ARHGAP15: variants seen among roughly 807,000 people sequenced by gnomAD.
ARHGAP15 encodes the protein rho GTPase-activating protein 15.
ARHGAP15 carries 51 observed loss-of-function variants against 63.7 expected under a neutral mutation model. That is an observed-to-expected ratio of 0.80 (90% CI 0.64 to 1.01). The LOEUF (loss-of-function observed/expected upper bound fraction) is 1.01. Among genes scored for constraint, ARHGAP15 ranks in the 50% least tolerant of loss-of-function variants. The pLI is 0.00. For synonymous variants in ARHGAP15, 191 were observed against 193.8 expected (o/e 0.99, Z 0.12); for missense variants, 560 against 564.6 (o/e 0.99, Z 0.08).
At chr2:143,609,754 C>T (rs968762302) in intron 11 of ARHGAP15, among the ~76,000 whole-genome samples, 3 of 152,170 alleles carry the variant, frequency 2.0e-5, no homozygotes, top group African/African-American at 7.2e-5. Flanking sequence ...ATGCACTCGC[C>T]TTCCAACAGG....
chr2:143,600,350 G>A (rs1006511241), intron 11 of ARHGAP15, among the ~76,000 whole-genome samples: 1 of 152,084 alleles, frequency 6.6e-6, no homozygotes, highest in Non-Finnish European at 1.5e-5. Context: ...GCCACATACT[G>A]TATTTCTTCC....
At chr2:143,573,993 C>G (rs1696566970) in intron 11 of ARHGAP15, among the ~76,000 whole-genome samples, 1 of 152,140 alleles carries the variant, frequency 6.6e-6, no homozygotes. Context: ...ATTTGTATTA[C>G]TTTCTTGAAA....
intron 4 of ARHGAP15, among the ~76,000 whole-genome samples, chr2:143,223,218 C>A (rs1188448746): frequency 6.6e-6 from 1 of 152,186 alleles, no homozygotes; most frequent in African/African-American, 2.4e-5. Flanking sequence ...AAGTGATCAA[C>A]CTGCCTCAGC....
chr2:143,175,607 G>T (rs1016471698), intron 2 of ARHGAP15, among the ~76,000 whole-genome samples: 4 of 152,138 alleles, frequency 2.6e-5, no homozygotes, highest in Non-Finnish European at 5.9e-5. Context: ...GTGAAGAAAA[G>T]TAGTGGGGAT....
intron 2 of ARHGAP15, among the ~76,000 whole-genome samples, chr2:143,160,289 T>G (rs1238462072): frequency 6.6e-6 from 1 of 151,976 alleles, no homozygotes; most frequent in Non-Finnish European, 1.5e-5. Flanking sequence ...ACTGCATTCT[T>G]CAGTTAAATC....
intron 12 of ARHGAP15, among the ~76,000 whole-genome samples, chr2:143,635,379 G>A (rs1363420440): frequency 6.6e-6 from 1 of 151,510 alleles, no homozygotes; most frequent in Non-Finnish European, 1.5e-5. Context: ...GCCTGTTATG[G>A]AATAAGAATG....
At chr2:143,760,642 AGAGGT>A (rs752023364) in intron 13 of ARHGAP15, among the ~76,000 whole-genome samples, 1 of 152,270 alleles carries the variant, frequency 6.6e-6, no homozygotes, top group Middle Eastern at 3.4e-3. Flanking sequence ...AAATTCATGC[AGAGGT>A]TCAATAAATG....
chr2:143,180,704 C>A (rs1691200523), intron 2 of ARHGAP15, among the ~76,000 whole-genome samples: 1 of 152,148 alleles, frequency 6.6e-6, no homozygotes, highest in Non-Finnish European at 1.5e-5. Context: ...GAGTCTCACT[C>A]TGTTGCCCAG....
chr2:143,209,484 T>C lies in ARHGAP15; in HGVS notation c.235-6900T>C, dbSNP rs6729352. Among the ~76,000 whole-genome samples the C allele has an allele frequency of 3.0e-3, 461 of 152,036 alleles. 2 individuals carry two copies. The highest frequency in any genetic ancestry group is 0.011 in the African/African-American group (439 of 41,458). On this transcript the variant is annotated intron_variant, in intron 3 of 13. Coordinates refer to ENST00000295095, the MANE Select transcript of ARHGAP15 (RefSeq NM_018460.4). ...TGTCCCTTTCTAGAGAAGCGTTCAG[T>C]CTAGGGATGAACAGAAGTGTTAAAT...
intron 11 of ARHGAP15, among the ~76,000 whole-genome samples, chr2:143,594,510 T>A (rs1307419919): frequency 1.3e-5 from 2 of 152,200 alleles, no homozygotes; most frequent in Non-Finnish European, 2.9e-5. Flanking sequence ...AATATAGATG[T>A]GGCTTTTAGT....
chr2:143,425,271 A>C (rs745803439), intron 6 of ARHGAP15, among the ~76,000 whole-genome samples: 5 of 152,060 alleles, frequency 3.3e-5, no homozygotes, highest in Non-Finnish European at 7.4e-5. Context: ...ATTGTCTATT[A>C]TAGAGTCACA....
chr2:143,200,969 G>C lies in ARHGAP15; in HGVS notation c.166-1165G>C, dbSNP rs182323232. Among the ~76,000 whole-genome samples, 142 of 152,138 alleles carry C rather than the reference G, an allele frequency of 9.3e-4. 1 individual carries two copies. The highest frequency in any genetic ancestry group is 3.3e-3 in the African/African-American group (139 of 41,520). ...TGAAACAATGTTTTTGTCATGCTTA[G>C]AGTATGTCCAAAAATTTAGATGAAG... On this transcript the variant is annotated intron_variant, in intron 2 of 13. Transcript: ENST00000295095.
intron 11 of ARHGAP15, among the ~76,000 whole-genome samples, chr2:143,580,608 C>G (rs1696860554): frequency 1.3e-5 from 2 of 152,006 alleles, no homozygotes. Context: ...ACTCATCCTT[C>G]TTTTAGATGT....
At chr2:143,645,374 G>A (rs1680821355) in intron 12 of ARHGAP15, among the ~76,000 whole-genome samples, 3 of 151,900 alleles carry the variant, frequency 2.0e-5, no homozygotes, top group Admixed American at 6.6e-5. Context: ...TAACATGTAG[G>A]GTCAGCAGGA....
intron 6 of ARHGAP15, among the ~76,000 whole-genome samples, chr2:143,359,709 C>T (rs993908039): frequency 1.3e-5 from 2 of 152,156 alleles, no homozygotes; most frequent in African/African-American, 4.8e-5. Flanking sequence ...TATCATAATA[C>T]ATTTGGGAAA....
chr2:143,402,489 C>T (rs943683036), intron 6 of ARHGAP15, among the ~76,000 whole-genome samples: 1 of 144,804 alleles, frequency 6.9e-6, no homozygotes, highest in Non-Finnish European at 1.5e-5. Flanking sequence ...AAGAATTAAC[C>T]TGCTTGGGAA....
At chr2:143,429,384 A>G (rs1689287324) in intron 6 of ARHGAP15, among the ~76,000 whole-genome samples, 1 of 152,114 alleles carries the variant, frequency 6.6e-6, no homozygotes, top group Non-Finnish European at 1.5e-5. Context: ...GGACAAAATT[A>G]TTTGGGTGTC....
At chr2:143,226,613 G>A (rs1188987351) in intron 4 of ARHGAP15, among the ~76,000 whole-genome samples, 1 of 152,124 alleles carries the variant, frequency 6.6e-6, no homozygotes, top group Non-Finnish European at 1.5e-5. Flanking sequence ...TACCTAAAAG[G>A]CAAAATGGGC....
chr2:143,763,690 ATATG>A (rs1277643181), intron 13 of ARHGAP15, among the ~76,000 whole-genome samples: 6 of 148,006 alleles, frequency 4.1e-5, no homozygotes, highest in South Asian at 2.1e-4. Flanking sequence ...TTGCATATGT[ATATG>A]TATGTGTATG....
Sources: gnomAD v4.1 joint callset for allele counts (sites outside exome capture counted in the v4.1 genomes callset) on GRCh38, gnomAD v4.1.1 for gene constraint, MANE v1.5 for transcripts, NCBI Gene and HGNC (gene_info 2026-07-23, HGNC 2026-07-21) for gene names.